TUT4: variants seen among roughly 807,000 people sequenced by gnomAD.
TUT4 encodes the protein terminal uridylyltransferase 4.
TUT4 carries 36 observed loss-of-function variants against 192.2 expected under a neutral mutation model. The observed-to-expected ratio is 0.19, with a 90% CI of 0.14 to 0.25. TUT4 has a LOEUF of 0.25. Among genes scored for constraint, TUT4 ranks in the 10% least tolerant of loss-of-function variants. TUT4 has a pLI of 1.00. For synonymous variants in TUT4, 618 were observed against 666.0 expected, an observed-to-expected ratio of 0.93 and a Z score of 1.11; for missense variants, 1,493 against 1,957.2, an observed-to-expected ratio of 0.76 and a Z score of 4.47.
intron 2 of TUT4, among the ~76,000 whole-genome samples, chr1:52,521,984 C>G (rs1158885649): frequency 6.6e-6 from 1 of 151,822 alleles, no homozygotes; most frequent in Non-Finnish European, 1.5e-5. Context: ...AGATAATGAT[C>G]TAGATATAAA....
intron 1 of TUT4, among the ~76,000 whole-genome samples, chr1:52,540,096 G>GTGT (rs1363764721): frequency 2.7e-5 from 4 of 150,762 alleles, no homozygotes; most frequent in Admixed American, 2.6e-4. Flanking sequence ...GCGGGCGCCT[G>GTGT]TGTTACCAGC....
chr1:52,487,261 C>T lies in TUT4; in HGVS notation c.1515+1648G>A, dbSNP rs375811596. ...TGTAGTTGAAGACCAGCCTGGGCAA[C>T]AAAATGAGAACCCATCTCTACAAAA... On this transcript the variant is annotated intron_variant, in intron 9 of 29. Coordinates refer to ENST00000257177, the MANE Select transcript of TUT4 (RefSeq NM_001009881.3). Among the ~76,000 whole-genome samples, 15 of 151,938 alleles carry T rather than the reference C, an allele frequency of 9.9e-5. No homozygotes were observed. The South Asian group carries it at 2.5e-3, about 25-fold the overall frequency.
At chr1:52,496,642 C>G (rs1672512377) in intron 5 of TUT4, among the ~76,000 whole-genome samples, 1 of 152,012 alleles carries the variant, frequency 6.6e-6, no homozygotes. Context: ...TAATTTTTCC[C>G]CACCATCAGG....
chr1:52,516,760 A>G (rs1477666480), intron 2 of TUT4, among the ~76,000 whole-genome samples: 1 of 152,170 alleles, frequency 6.6e-6, no homozygotes. Context: ...TAAAGTTTTA[A>G]CTCCCTAGCA....
Position 52,435,899 on chromosome 1 carries a change from GTC to G in TUT4, c.4163-436_4163-435del, listed in dbSNP as rs566026928. Among the ~76,000 whole-genome samples, 16 of 151,542 alleles carry G rather than the reference GTC, an allele frequency of 1.1e-4. No homozygotes were observed. The South Asian group carries it at 2.7e-3, about 26-fold the overall frequency. On this transcript the variant is annotated intron_variant, in intron 26 of 29. Coordinates refer to ENST00000257177, the MANE Select transcript of TUT4 (RefSeq NM_001009881.3). ...ACTGCAGCCTGGGCAACAAGAGTCTGTCTCTCTCTATGTCTCTCTCTCTCTCT... is the reference window on the plus strand; with the variant it reads ...ACTGCAGCCTGGGCAACAAGAGTCTGTCTCTCTATGTCTCTCTCTCTCTCT...
upstream of TUT4, chr1:52,553,408 C>G (rs904566588): frequency 2.6e-5 from 4 of 151,450 alleles, no homozygotes; most frequent in Non-Finnish European, 5.9e-5. Context: ...GGGAGAAGGC[C>G]GAGGTAGGAG....
intron 1 of TUT4, among the ~76,000 whole-genome samples, chr1:52,546,853 TG>T (rs1688207712): frequency 6.6e-6 from 1 of 152,090 alleles, no homozygotes; most frequent in Non-Finnish European, 1.5e-5. Flanking sequence ...GGGTCTAGCC[TG>T]GGCGAGATGG....
In TUT4 at chr1:52,526,266, T is replaced by A; in HGVS notation, c.15A>T (p.Lys5Asn). 6.5e-7 allele frequency: 1 copy of A among 1,544,274 alleles called. No individual in the cohort carries two copies. The highest frequency in any genetic ancestry group is 8.7e-7 in the Non-Finnish European group (1 of 1,155,398). MEES[K>N]TLKSENHEPK... ...GTTCATGATTTTCACTTTTTAAGGT[T>A]TTAGACTCTTCCATTATTTGAAAAT... The change falls in exon 2 of 30, where the codon AAA becomes AAT. Residue 5 changes from lysine to asparagine, a missense_variant. By Grantham distance (94) the Lys-to-Asn change is moderately conservative. Transcript: ENST00000257177.
intron 6 of TUT4, 139 bp from the exon 7 acceptor site, chr1:52,493,801 T>TG: frequency 3.1e-6 from 2 of 649,206 alleles, no homozygotes; most frequent in Non-Finnish European, 5.3e-6. Context: ...AACAGAATCG[T>TG]GTTTTTTTTT....
intron 18 of TUT4, 123 bp from the exon 19 acceptor site, chr1:52,461,346 TA>T: frequency 8.9e-7 from 1 of 1,127,444 alleles, no homozygotes; most frequent in Non-Finnish European, 1.2e-6. Context: ...AAACACCTAT[TA>T]ATGAGTCAAA....
chr1:52,488,898 C>T lies in TUT4; in HGVS notation c.1515+11G>A, dbSNP rs771271113. Reference sequence around the variant, plus strand: ...AAATATAAATAAGTAGTTTTCCTCTCTTTCACTTACCTTAGCCCAGTAGCG... The same window carrying T: ...AAATATAAATAAGTAGTTTTCCTCTTTTTCACTTACCTTAGCCCAGTAGCG... On this transcript the variant is annotated intron_variant, in intron 9 of 29. Coordinates refer to ENST00000257177, the MANE Select transcript of TUT4 (RefSeq NM_001009881.3). The T allele has an allele frequency of 4.0e-5, 64 of 1,589,918 alleles. No individual in the cohort carries two copies. The highest frequency in any genetic ancestry group is 5.2e-5 in the Non-Finnish European group (61 of 1,173,630).
At chr1:52,448,390 C>A (rs983097072) in intron 20 of TUT4, among the ~76,000 whole-genome samples, 1 of 151,988 alleles carries the variant, frequency 6.6e-6, no homozygotes, top group Non-Finnish European at 1.5e-5. Context: ...GAGTTCAAGA[C>A]CAGCCTGGCC....
In TUT4 at chr1:52,468,183, T is replaced by A; in HGVS notation, c.2963A>T (p.Asp988Val). 1 of 1,606,820 alleles carries A rather than the reference T, an allele frequency of 6.2e-7. No individual in the cohort carries two copies. Among genetic ancestry groups the A allele is most frequent in the Non-Finnish European group, 8.5e-7 (1 of 1,177,000 alleles). ...AAATTTTTTAACCTATGACATACCA[T>A]CATATTCTTTTTGAATAAACTTTTC... Reference protein sequence around the residue: ...GLEKFIQKEYDEKARLCLFGS... With the variant: ...GLEKFIQKEYVEKARLCLFGS... The change falls in exon 15 of 30, where the codon GAT becomes GTT. Residue 988 changes from aspartate (D) to valine (V), a missense_variant and splice_region_variant. Coordinates refer to ENST00000257177, the MANE Select transcript of TUT4 (RefSeq NM_001009881.3).
At chr1:52,538,629 A>G (rs1685607919) in intron 1 of TUT4, 1 of 150,106 alleles carries the variant, frequency 6.7e-6, no homozygotes, top group South Asian at 2.1e-4. Flanking sequence ...CCTAGGCAAC[A>G]GAGCAAGACT....
chr1:52,463,149 T>C (rs1663093551), intron 16 of TUT4: 1 of 982,022 alleles, frequency 1.0e-6, no homozygotes. Context: ...AACTTCCCAG[T>C]AGGAATGGCA....
chr1:52,526,401 C>T, intron 1 of TUT4, 28 bp from the exon 2 acceptor site: 1 of 966,590 alleles, frequency 1.0e-6, no homozygotes, highest in Non-Finnish European at 1.3e-6. Flanking sequence ...AGAGAAAAAT[C>T]TGTTATTTAA....
chr1:52,480,126 T>C (rs1412180863), intron 11 of TUT4, among the ~76,000 whole-genome samples: 2 of 151,696 alleles, frequency 1.3e-5, no homozygotes, highest in East Asian at 1.9e-4. Context: ...GTGATCATCA[T>C]ACAGACAGTA....
intron 2 of TUT4, among the ~76,000 whole-genome samples, chr1:52,517,692 T>C (rs186390706): frequency 1.8e-3 from 277 of 152,318 alleles, no homozygotes; most frequent in African/African-American, 6.2e-3. Flanking sequence ...TGGAGGAATA[T>C]TGATGCACTA....
In TUT4 at chr1:52,520,573, T is replaced by C. The variant is rs950665292; in HGVS notation, c.719-4519A>G. ...TTTAATATGAATCCCAAACAATTCATATACACATTAAAGTTTGAGAAACCC... is the reference window on the plus strand; with the variant it reads ...TTTAATATGAATCCCAAACAATTCACATACACATTAAAGTTTGAGAAACCC... On this transcript the variant is annotated intron_variant, in intron 2 of 29. Transcript: ENST00000257177. 2.0e-5 allele frequency among the ~76,000 whole-genome samples: 3 copies of C among 152,136 alleles called. No homozygotes were observed. The South Asian group carries it at 6.2e-4, about 31-fold the overall frequency.
Sources: gnomAD v4.1 joint callset for allele counts (sites outside exome capture counted in the v4.1 genomes callset) on GRCh38, gnomAD v4.1.1 for gene constraint, MANE v1.5 for transcripts, NCBI Gene and HGNC (gene_info 2026-07-23, HGNC 2026-07-21) for gene names.